Variants in ZC3H12B observed in about 807,000 individuals in gnomAD.
ZC3H12B encodes the protein zinc finger CCCH-type containing 12B, also known as probable ribonuclease ZC3H12B.
Under a neutral mutation model 43.9 loss-of-function variants are expected in ZC3H12B, and 7 were observed. The ratio of observed to expected loss-of-function variants is 0.16; its 90% CI spans 0.09 to 0.30. The LOEUF (loss-of-function observed/expected upper bound fraction) is 0.30. ZC3H12B is among the 10% of genes least tolerant of loss of function. ZC3H12B has a pLI of 1.00. For synonymous variants in ZC3H12B, 222 were observed against 241.7 expected (o/e 0.92, Z 0.76); for missense variants, 475 against 670.2 (o/e 0.71, Z 3.22).
the ZC3H12B span, among the ~76,000 whole-genome samples, chrX:65,057,397 G>A: frequency 8.9e-6 from 1 of 111,783 alleles, no homozygotes; most frequent in Non-Finnish European, 1.9e-5. Flanking sequence ...TCTTAAAAAT[G>A]TTGAATATTG....
the ZC3H12B span, among the ~76,000 whole-genome samples, chrX:65,233,239 C>T: frequency 9.9e-5 from 11 of 111,503 alleles, no homozygotes; most frequent in South Asian, 3.4e-3. Context: ...GGAGTATAGA[C>T]CAAATGGGCC....
chrX:65,499,809 A>G (rs780156207), intron 3 of ZC3H12B, 74 bp from the exon 9 acceptor site: 1 of 841,343 alleles, frequency 1.2e-6, no homozygotes, highest in African/African-American at 2.0e-5. Flanking sequence ...GCAAGAGGTA[A>G]TGAAAATCTG....
chrX:65,267,890 A>T, the ZC3H12B span, among the ~76,000 whole-genome samples: 1 of 111,903 alleles, frequency 8.9e-6, no homozygotes, highest in Non-Finnish European at 1.9e-5. Context: ...AACTAAACCT[A>T]AAGTTAGCAG....
intron 2 of ZC3H12B, among the ~76,000 whole-genome samples, chrX:65,376,129 A>G (rs1007576739): frequency 3.6e-5 from 4 of 112,311 alleles, no homozygotes; most frequent in Non-Finnish European, 7.5e-5. Flanking sequence ...ATTGGGCATT[A>G]AGTGAACATC....
chrX:65,491,213 G>A (rs773835377), intron 1 of ZC3H12B, among the ~76,000 whole-genome samples: 8 of 111,738 alleles, frequency 7.2e-5, no homozygotes, highest in South Asian at 3.7e-4. Context: ...ATTCTTTTAC[G>A]TATGTGAATT....
intron 3 of ZC3H12B, among the ~76,000 whole-genome samples, chrX:65,418,804 C>T (rs1390048736): frequency 1.8e-5 from 2 of 111,478 alleles, no homozygotes; most frequent in Non-Finnish European, 3.8e-5. Flanking sequence ...ACCCAGAACC[C>T]CTAGAATGAA....
chrX:65,088,475 C>G, the ZC3H12B span, among the ~76,000 whole-genome samples: 1 of 111,549 alleles, frequency 9.0e-6, no homozygotes, highest in African/African-American at 3.3e-5. Context: ...ACTTCTAGTC[C>G]TGCAAGCTCC....
the ZC3H12B span, among the ~76,000 whole-genome samples, chrX:65,214,165 G>T: frequency 1.8e-5 from 2 of 111,320 alleles, no homozygotes; most frequent in East Asian, 5.6e-4. Context: ...GTTAATGGCT[G>T]CTGACTGATC....
the ZC3H12B span, among the ~76,000 whole-genome samples, chrX:65,171,381 C>G: frequency 2.7e-5 from 3 of 110,844 alleles, no homozygotes; most frequent in African/African-American, 9.8e-5. Flanking sequence ...GCAAATAGTG[C>G]TGCCTGATCC....
At chrX:65,381,091 C>A (rs1190307631) in intron 2 of ZC3H12B, among the ~76,000 whole-genome samples, 2 of 111,313 alleles carry the variant, frequency 1.8e-5, no homozygotes, top group Admixed American at 1.9e-4. Flanking sequence ...CTCAGCTCTG[C>A]ACCAAGCGGA....
In ZC3H12B at chrX:65,381,780, C is replaced by T. The variant is rs376199911; in HGVS notation, n.295+12782C>T. On this transcript the variant is annotated intron_variant and non_coding_transcript_variant, in intron 2 of 5. Coordinates refer to the ZC3H12B transcript ENST00000617377. The stretch of plus-strand genomic sequence containing the variant: ...AAAATGATAAAGGGGATATCACCAC[C>T]GATCCCACAGAAATACAAACCACCA... Among the ~76,000 whole-genome samples, 11 of 111,608 alleles carry T rather than the reference C, an allele frequency of 9.9e-5. No homozygotes were observed. In the South Asian group the frequency reaches 1.5e-3, roughly 15 times the overall value.
intron 3 of ZC3H12B, among the ~76,000 whole-genome samples, chrX:65,444,487 G>C (rs1397219609): frequency 8.9e-6 from 1 of 112,485 alleles, no homozygotes; most frequent in African/African-American, 3.2e-5. Flanking sequence ...CAACATGTGA[G>C]ACATGGCTTT....
chrX:65,235,019 G>T, the ZC3H12B span, among the ~76,000 whole-genome samples: 1 of 111,487 alleles, frequency 9.0e-6, no homozygotes, highest in African/African-American at 3.3e-5. Context: ...AAAGGACATG[G>T]CCTTGTTCAT....
At chrX:65,125,608 A>T in the ZC3H12B span, among the ~76,000 whole-genome samples, 1 of 110,296 alleles carries the variant, frequency 9.1e-6, no homozygotes, top group Non-Finnish European at 1.9e-5. Context: ...GTTGCCATCT[A>T]TCTCATTTCT....
the ZC3H12B span, among the ~76,000 whole-genome samples, chrX:65,263,231 T>C: frequency 1.1e-3 from 125 of 111,571 alleles, no homozygotes; most frequent in African/African-American, 3.8e-3. Context: ...TTGGAGCAAT[T>C]CACAGACTAA....
chrX:65,186,981 G>A, the ZC3H12B span: 2 of 111,856 alleles, frequency 1.8e-5, no homozygotes, highest in African/African-American at 6.5e-5. Context: ...TGCAAATTGT[G>A]CTGCTATAAA....
chrX:65,471,537 C>G (rs1314364860), intron 3 of ZC3H12B, among the ~76,000 whole-genome samples: 1 of 104,311 alleles, frequency 9.6e-6, no homozygotes, highest in Non-Finnish European at 2.0e-5. Context: ...CACAACCTCT[C>G]CCTCCCAGGT....
the ZC3H12B span, among the ~76,000 whole-genome samples, chrX:65,058,482 CT>C: frequency 8.9e-6 from 1 of 112,227 alleles, no homozygotes; most frequent in African/African-American, 3.2e-5. Flanking sequence ...GTCAGTCTGC[CT>C]GTACTCGGGG....
upstream of ZC3H12B, among the ~76,000 whole-genome samples, chrX:65,366,212 A>T (rs1281711607): frequency 9.2e-6 from 1 of 109,191 alleles, no homozygotes; most frequent in African/African-American, 3.3e-5. Context: ...TTTCCCCATC[A>T]GGGGAAAAAT....
Sources: allele counts gnomAD v4.1 joint callset (sites outside exome capture counted in the v4.1 genomes callset), GRCh38; gene constraint gnomAD v4.1.1; transcripts MANE v1.5; gene names NCBI Gene and HGNC (gene_info 2026-07-23, HGNC 2026-07-21).